Variants in KLHL1 observed in about 807,000 individuals in gnomAD.
KLHL1 encodes kelch like family member 1.
In KLHL1, 47 loss-of-function variants were observed where a neutral mutation model predicts 77.7. The observed-to-expected ratio is 0.60, with a 90% CI of 0.48 to 0.77. KLHL1 has a LOEUF of 0.77. Among genes scored for constraint, KLHL1 ranks in the 30% least tolerant of loss-of-function variants. The pLI, the probability that KLHL1 is intolerant of heterozygous loss-of-function variation, is 0.00. For synonymous variants in KLHL1, 360 were observed against 325.2 expected, an observed-to-expected ratio of 1.11 and a Z score of -1.15; for missense variants, 925 against 910.8, an observed-to-expected ratio of 1.02 and a Z score of -0.20.
chr13:69,836,560 CTT>C (rs1268635025), intron 6 of KLHL1, among the ~76,000 whole-genome samples: 1 of 152,000 alleles, frequency 6.6e-6, no homozygotes, highest in African/African-American at 2.4e-5. Flanking sequence ...AACGCTAACT[CTT>C]TGTCTCAAAT....
At chr13:69,910,074 T>C (rs931466469) in intron 4 of KLHL1, among the ~76,000 whole-genome samples, 1 of 152,102 alleles carries the variant, frequency 6.6e-6, no homozygotes, top group African/African-American at 2.4e-5. Flanking sequence ...TGGCTAGTTC[T>C]TAAAGTATAT....
chr13:69,784,891 T>TTTTTC (rs1876433229), intron 7 of KLHL1, among the ~76,000 whole-genome samples: 1 of 129,414 alleles, frequency 7.7e-6, no homozygotes, highest in Non-Finnish European at 1.7e-5. Context: ...CATTTTTTTT[T>TTTTTC]TTTTTTTTTT....
At chr13:69,707,836 A>G (rs1386180414) in intron 9 of KLHL1, 40 bp from the exon 10 acceptor site, 2 of 1,481,636 alleles carry the variant, frequency 1.3e-6, no homozygotes, top group Non-Finnish European at 9.1e-7. Flanking sequence ...TATTCTAATC[A>G]CATTCAACTT....
chr13:70,045,180 A>C (rs1446514343), intron 1 of KLHL1, among the ~76,000 whole-genome samples: 1 of 152,202 alleles, frequency 6.6e-6, no homozygotes, highest in African/African-American at 2.4e-5. Context: ...TGGTTTTTCT[A>C]AGAAAAAAAT....
chr13:69,778,747 T>C (rs1229409403), intron 7 of KLHL1, among the ~76,000 whole-genome samples: 1 of 151,748 alleles, frequency 6.6e-6, no homozygotes, highest in East Asian at 1.9e-4. Flanking sequence ...ATAAAACTAG[T>C]GTTTATATCT....
chr13:70,019,111 A>G (rs985364897), intron 1 of KLHL1, among the ~76,000 whole-genome samples: 1 of 152,178 alleles, frequency 6.6e-6, no homozygotes, highest in Admixed American at 6.5e-5. Context: ...TTGAGTGTAG[A>G]TCATTCTTTC....
At chr13:69,826,551 G>C (rs1219593375) in intron 6 of KLHL1, among the ~76,000 whole-genome samples, 4 of 151,952 alleles carry the variant, frequency 2.6e-5, no homozygotes, top group African/African-American at 4.8e-5. Context: ...TTGCACTCCA[G>C]CCTAGGCAAC....
chr13:69,933,649 C>T (rs938948676), intron 4 of KLHL1, among the ~76,000 whole-genome samples: 4 of 152,070 alleles, frequency 2.6e-5, no homozygotes, highest in Non-Finnish European at 4.4e-5. Context: ...AGGCTTTATG[C>T]TGCAGGTATG....
chr13:70,007,031 T>C (rs1040112519), intron 1 of KLHL1, among the ~76,000 whole-genome samples: 15 of 152,004 alleles, frequency 9.9e-5, no homozygotes, highest in African/African-American at 3.4e-4. Context: ...GGTGCTATTG[T>C]TGGTGTTCAG....
At chr13:69,944,477 T>C (rs1208371980) in intron 3 of KLHL1, among the ~76,000 whole-genome samples, 1 of 152,224 alleles carries the variant, frequency 6.6e-6, no homozygotes, top group Non-Finnish European at 1.5e-5. Context: ...TAAAACTACA[T>C]GCTGAGTCTT....
chr13:69,902,715 C>A (rs911587867), intron 4 of KLHL1, among the ~76,000 whole-genome samples: 1 of 134,030 alleles, frequency 7.5e-6, no homozygotes, highest in Non-Finnish European at 1.5e-5. Context: ...TGAGAACACA[C>A]AGACAGAGGA....
intron 1 of KLHL1, among the ~76,000 whole-genome samples, chr13:70,092,307 C>T (rs1467695160): frequency 6.6e-6 from 1 of 152,136 alleles, no homozygotes; most frequent in Non-Finnish European, 1.5e-5. Flanking sequence ...TTTTTATTGT[C>T]AGCTATCACT....
At chr13:69,847,420 A>AGT (rs1879511613) in intron 5 of KLHL1, among the ~76,000 whole-genome samples, 2 of 149,400 alleles carry the variant, frequency 1.3e-5, no homozygotes, top group African/African-American at 4.9e-5. Flanking sequence ...AAAAAAAAAA[A>AGT]AAAAAAACAT....
intron 8 of KLHL1, among the ~76,000 whole-genome samples, chr13:69,731,535 C>T (rs73210463): frequency 0.053 from 8,016 of 152,086 alleles, 368 homozygotes; most frequent in African/African-American, 0.12. Flanking sequence ...GCAACTATAG[C>T]CAAAAGAAGT....
intron 8 of KLHL1, among the ~76,000 whole-genome samples, chr13:69,724,631 A>T (rs967277077): frequency 2.0e-5 from 3 of 152,128 alleles, no homozygotes; most frequent in Non-Finnish European, 4.4e-5. Context: ...ACTGAATCCA[A>T]GAGTACATAA....
At chr13:70,031,231 A>AT (rs1279262415) in intron 1 of KLHL1, among the ~76,000 whole-genome samples, 1 of 152,158 alleles carries the variant, frequency 6.6e-6, no homozygotes, top group East Asian at 1.9e-4. Flanking sequence ...CGCAAGGATC[A>AT]TTCAGCTTTC....
At chr13:69,851,926 ATACTTGAAATTAT>A (rs1402389197) in intron 5 of KLHL1, among the ~76,000 whole-genome samples, 1 of 151,914 alleles carries the variant, frequency 6.6e-6, no homozygotes, top group Non-Finnish European at 1.5e-5. Context: ...CTGCATTTCA[ATACTTGAAATTAT>A]TACTTGAAAT....
At chr13:70,050,107 T>C (rs1886594409) in intron 1 of KLHL1, among the ~76,000 whole-genome samples, 1 of 151,970 alleles carries the variant, frequency 6.6e-6, no homozygotes, top group African/African-American at 2.4e-5. Context: ...ATTGAGCAGA[T>C]GACACTATAA....
At chr13:70,045,182 G>GA (rs368393505) in intron 1 of KLHL1, among the ~76,000 whole-genome samples, 2 of 151,878 alleles carry the variant, frequency 1.3e-5, no homozygotes, top group Admixed American at 6.6e-5. Flanking sequence ...GTTTTTCTAA[G>GA]AAAAAAATAG....
Sources: allele counts gnomAD v4.1 joint callset (sites outside exome capture counted in the v4.1 genomes callset), GRCh38; gene constraint gnomAD v4.1.1; transcripts MANE v1.5; gene names NCBI Gene and HGNC (gene_info 2026-07-23, HGNC 2026-07-21).